Variants in CABP4 observed in about 807,000 individuals in gnomAD.
The protein encoded by CABP4 is calcium-binding protein 4.
In CABP4, 30 loss-of-function variants were observed where a neutral mutation model predicts 30.7. The observed-to-expected ratio is 0.98, with a 90% CI of 0.73 to 1.33. The LOEUF (loss-of-function observed/expected upper bound fraction) is 1.33. Among genes scored for constraint, CABP4 ranks in the 40% most tolerant of loss-of-function variants. CABP4 has a pLI of 0.00. For missense variants in CABP4, 424 were observed against 395.5 expected (o/e 1.07, Z -0.61); for synonymous variants, 161 against 159.2 (o/e 1.01, Z -0.08).
At position 67,458,614 on chromosome 11, in the gene CABP4, G is replaced by A; in HGVS notation, c.800-17G>A. ...CCTGACGTGGACTGACCCAAGCCCT[G>A]CCCTTCTCTCCCGCAGAGTTTGTGA... On this transcript the variant is annotated splice_polypyrimidine_tract_variant and intron_variant, in intron 5 of 5. Transcript: ENST00000325656. 1 of 1,614,110 alleles carries A rather than the reference G, an allele frequency of 6.2e-7. No homozygotes were observed. The highest frequency in any genetic ancestry group is 8.5e-7 in the Non-Finnish European group (1 of 1,180,018).
intron 3 of CABP4, 45 bp from the exon 4 acceptor site, chr11:67,457,528 A>G: frequency 6.6e-7 from 1 of 1,518,488 alleles, no homozygotes; most frequent in Non-Finnish European, 9.0e-7. Flanking sequence ...CTTGGGCTTC[A>G]GACCTTATGC....
chr11:67,457,535 A>G (rs541920527), intron 3 of CABP4, 38 bp from the exon 4 acceptor site: 1 of 1,530,150 alleles, frequency 6.5e-7, no homozygotes, highest in Admixed American at 1.9e-5. Flanking sequence ...TTCAGACCTT[A>G]TGCCCTCACC....
upstream of CABP4, among the ~76,000 whole-genome samples, chr11:67,454,061 C>T (rs1234134628): frequency 3.9e-5 from 6 of 152,192 alleles, no homozygotes; most frequent in African/African-American, 9.7e-5. Context: ...GGCCCTCTCC[C>T]GCTTCCCACA....
upstream of CABP4, chr11:67,452,636 C>A: frequency 1.2e-6 from 2 of 1,613,596 alleles, no homozygotes; most frequent in Middle Eastern, 1.7e-4. Context: ...CGTGTCCCAG[C>A]CACCTTGGGG....
rs548811817 is a variant in CABP4 at position 67,460,601 on chromosome 11, G to C, written c.*1942G>C. On this transcript the variant is annotated 3_prime_UTR_variant, in exon 6 of 6. Coordinates refer to ENST00000325656, the MANE Select transcript of CABP4 (RefSeq NM_145200.5). ...AACAGCAGATTAAACACAATTTAAA[G>C]ATTAATGAACTGGAAGCTATATCTA... Among the ~76,000 whole-genome samples the C allele has an allele frequency of 6.6e-6, 1 of 151,878 alleles. No individual in the cohort carries two copies. The highest frequency in any genetic ancestry group is 6.6e-5 in the Admixed American group (1 of 15,196).
intron 3 of CABP4, 115 bp downstream of exon 3, chr11:67,456,557 T>C (rs1230561462): frequency 1.5e-6 from 2 of 1,352,026 alleles, no homozygotes; most frequent in South Asian, 2.4e-5. Context: ...TGAGGGAGGG[T>C]GGCGGTTTCC....
chr11:67,455,265 T>G, upstream of CABP4: 3 of 994,888 alleles, frequency 3.0e-6, no homozygotes, highest in Non-Finnish European at 4.3e-6. Context: ...AGGACTGGGA[T>G]TAGGGCCAGG....
Position 67,461,576 on chromosome 11 carries a change from A to G in CABP4, c.*2917A>G, listed in dbSNP as rs1865016812. The G allele has an allele frequency of 6.6e-6, 1 of 152,254 alleles. No homozygotes were observed. Among genetic ancestry groups the G allele is most frequent in the African/African-American group, 2.4e-5 (1 of 41,468 alleles). 9.4% of individuals were successfully genotyped at this position (152,254 alleles called of 1,614,324 possible). ...GTGTTCTGTCAAAGTGTTCATGTAGACTAAGGGTGGGGAAACTTTCTGTAA... is the reference window on the plus strand; with the variant it reads ...GTGTTCTGTCAAAGTGTTCATGTAGGCTAAGGGTGGGGAAACTTTCTGTAA... On this transcript the variant is annotated 3_prime_UTR_variant, in exon 6 of 6. Transcript: ENST00000325656.
At position 67,455,392 on chromosome 11, in the gene CABP4, G is replaced by T. The variant is rs566314291; in HGVS notation, c.-32G>T. The T allele has an allele frequency of 4.8e-5, 76 of 1,588,190 alleles. No individual in the cohort carries two copies. Among genetic ancestry groups the T allele is most frequent in the Non-Finnish European group, 6.0e-5 (70 of 1,167,864 alleles). On this transcript the variant is annotated 5_prime_UTR_variant, in exon 1 of 6. Transcript: ENST00000325656. ...CTGAAAGCCAAGGGTGCCCAGGGGT[G>T]TGGTGTCTCTGAGCCCTGTTATCCC... is the stretch of plus-strand genomic sequence containing the variant.
Position 67,458,624 on chromosome 11 carries a change from C to T in CABP4, c.800-7C>T. The T allele has an allele frequency of 1.2e-6, 2 of 1,614,110 alleles. No homozygotes were observed. Among genetic ancestry groups the T allele is most frequent in the East Asian group, 2.2e-5 (1 of 44,890 alleles). The stretch of plus-strand genomic sequence containing the variant: ...ACTGACCCAAGCCCTGCCCTTCTCT[C>T]CCGCAGAGTTTGTGATGATGCTCTC... On this transcript the variant is annotated splice_region_variant and splice_polypyrimidine_tract_variant and intron_variant, in intron 5 of 5. Transcript: ENST00000325656.
upstream of CABP4, chr11:67,453,141 G>A (rs1864626902): frequency 6.0e-6 from 1 of 166,778 alleles, no homozygotes; most frequent in Non-Finnish European, 1.3e-5. Flanking sequence ...CTAGTAGCTG[G>A]GACTACAGGT....
Position 67,456,449 on chromosome 11 carries a change from C to G in CABP4, c.541+7C>G, listed in dbSNP as rs1638564. On this transcript the variant is annotated splice_region_variant and intron_variant, in intron 3 of 5. Coordinates refer to ENST00000325656, the MANE Select transcript of CABP4 (RefSeq NM_145200.5). ...CAGCACATCAAGATGCGCAGTCAGTCAGGGAGCCCGCCCGCCCGGGCAGCC... is the reference window on the plus strand; with the variant it reads ...CAGCACATCAAGATGCGCAGTCAGTGAGGGAGCCCGCCCGCCCGGGCAGCC... 0.44 allele frequency: 703,716 copies of G among 1,607,640 alleles called. 162,322 individuals are homozygous for G. The highest frequency in any genetic ancestry group is 0.81 in the African/African-American group (60,822 of 74,776).
Position 67,455,442 on chromosome 11 carries a change from A to AG in CABP4, c.24dup (p.Gln9AlafsTer23), listed in dbSNP as rs1041628431. 1 of 1,610,912 alleles carries AG rather than the reference A, an allele frequency of 6.2e-7. No homozygotes were observed. Among genetic ancestry groups the AG allele is most frequent in the Non-Finnish European group, 8.5e-7 (1 of 1,179,234 alleles). Reference sequence around the variant, plus strand: ...CTCCCCCATGACCACAGAGCAGGCAAGGGGGCAGCAGGGCCCAAATCTGGC... The same window carrying AG: ...CTCCCCCATGACCACAGAGCAGGCAAGGGGGGCAGCAGGGCCCAAATCTGGC... On this transcript the variant is annotated frameshift_variant, in exon 1 of 6. Coordinates refer to ENST00000325656, the MANE Select transcript of CABP4 (RefSeq NM_145200.5). LOFTEE classifies it high-confidence loss of function.
chr11:67,456,511 G>A, intron 3 of CABP4, 69 bp downstream of exon 3: 2 of 1,580,506 alleles, frequency 1.3e-6, no homozygotes, highest in Non-Finnish European at 1.7e-6. Context: ...CTGGCAGGAG[G>A]TGGCCCTTGG....
In CABP4 at chr11:67,457,652, G is replaced by A. The variant is rs1374581961; in HGVS notation, c.621G>A (p.Gly207=). Residue 207 remains glycine, a synonymous_variant, in exon 4 of 6, where the codon GGG becomes GGA. Transcript: ENST00000325656. The part of the protein sequence containing the change: ...KLREETAHML[G]VRELRIAFRE... ...GGGAGGAGACGGCGCACATGCTGGG[G>A]GTGCGAGAGCTGCGCATCGCCTTCC... The A allele has an allele frequency of 6.2e-7, 1 of 1,602,176 alleles. No individual in the cohort carries two copies. The highest frequency in any genetic ancestry group is 8.5e-7 in the Non-Finnish European group (1 of 1,174,692).
rs951728995 is a variant in CABP4, at chr11:67,461,065, G to A, written c.*2406G>A. Among the ~76,000 whole-genome samples, 1 of 152,092 alleles carries A rather than the reference G, an allele frequency of 6.6e-6. No homozygotes were observed. The highest frequency in any genetic ancestry group is 1.5e-5 in the Non-Finnish European group (1 of 68,028). On this transcript the variant is annotated 3_prime_UTR_variant, in exon 6 of 6. Coordinates refer to ENST00000325656, the MANE Select transcript of CABP4 (RefSeq NM_145200.5). ...TAATCCCAGCATTTTGGGAGGCTAA[G>A]GCAGGAGGATCACTTGAGGCCAGGA...
chr11:67,455,337 A>C, upstream of CABP4: 2 of 1,503,620 alleles, frequency 1.3e-6, no homozygotes, highest in Non-Finnish European at 1.8e-6. Flanking sequence ...CAGCTCTAAG[A>C]GTGGGGGTGC....
chr11:67,455,759 C>A lies in CABP4; in HGVS notation c.336C>A (p.Tyr112Ter). The A allele has an allele frequency of 6.3e-7, 1 of 1,590,162 alleles. No homozygotes were observed. Among genetic ancestry groups the A allele is most frequent in the Non-Finnish European group, 8.6e-7 (1 of 1,169,542 alleles). The change falls in exon 1 of 6, where the codon TAC becomes TAA. Residue 112 changes from tyrosine (Y) to a stop codon, truncating the protein, a stop_gained. Transcript: ENST00000325656. LOFTEE classifies it high-confidence loss of function. The part of the protein sequence containing the change: ...DSLHDAAQRT[Y>*]GPLLNRVFGK... The stretch of plus-strand genomic sequence containing the variant: ...TGCACGACGCTGCTCAGAGGACATA[C>A]GGGCCCCTGCTCAATCGAGTCTTCG...
At chr11:67,452,667 G>T (rs763317826), upstream of CABP4, 1 of 1,610,262 alleles carries the variant, frequency 6.2e-7, no homozygotes, top group South Asian at 1.1e-5. Context: ...TCATCATCAA[G>T]CTCTGTGCGG....
Sources: allele counts gnomAD v4.1 joint callset (sites outside exome capture counted in the v4.1 genomes callset), GRCh38; gene constraint gnomAD v4.1.1; transcripts MANE v1.5; gene names NCBI Gene and HGNC (gene_info 2026-07-23, HGNC 2026-07-21).